The following SLC35B4 variants were observed in gnomAD, a reference collection of about 807,000 sequenced individuals.
The protein encoded by SLC35B4 is nucleotide sugar transporter SLC35B4.
In SLC35B4, 28 loss-of-function variants were observed where a neutral mutation model predicts 39.5. That is an observed-to-expected ratio of 0.71 (90% CI 0.53 to 0.97). The LOEUF (loss-of-function observed/expected upper bound fraction) is 0.97, where lower values mean the gene tolerates loss of function less well. Among genes scored for constraint, SLC35B4 ranks in the 50% least tolerant of loss-of-function variants. SLC35B4 has a pLI of 0.00. For synonymous variants in SLC35B4, 145 were observed against 150.4 expected (o/e 0.96, Z 0.26); for missense variants, 334 against 414.3 (o/e 0.81, Z 1.68).
chr7:134,304,964 G>C, intron 3 of SLC35B4, 110 bp from the exon 4 acceptor site: 741 of 720,972 alleles, frequency 1.0e-3, no homozygotes, highest in Non-Finnish European at 1.6e-3. Flanking sequence ...AATGAAGGAA[G>C]CTAGGATGAA....
chr7:134,318,911 TTG>T (rs1253075149), upstream of SLC35B4, among the ~76,000 whole-genome samples: 1 of 152,232 alleles, frequency 6.6e-6, no homozygotes, highest in African/African-American at 2.4e-5. Flanking sequence ...CTTGGGGATC[TTG>T]TTAAAATGCA....
chr7:134,304,490 G>T (rs1400210314), intron 4 of SLC35B4, among the ~76,000 whole-genome samples: 2 of 152,194 alleles, frequency 1.3e-5, no homozygotes, highest in African/African-American at 4.8e-5. Flanking sequence ...CACGTGGCTA[G>T]TGGTGACCAT....
intron 1 of SLC35B4, among the ~76,000 whole-genome samples, chr7:134,310,546 CTTT>C (rs1275292627): frequency 3.6e-5 from 5 of 140,804 alleles, no homozygotes; most frequent in Admixed American, 7.1e-5. Flanking sequence ...GTGTTTTCAT[CTTT>C]TTTTTTTTTT....
At position 134,294,930 on chromosome 7, in the gene SLC35B4, G is replaced by A. The variant is rs1036403174; in HGVS notation, c.899C>T (p.Thr300Ile). ...NPFTLWHWLG[T>I]LFVFIGTLMY... ...TAAGGTCCCAATGAAGACAAACAAG[G>A]TGCCCAGCCAGTGCCACAGGGTGAA... The change falls in exon 10 of 10, where the codon ACC becomes ATC. Residue 300 changes from threonine (T) to isoleucine (I), a missense_variant. Transcript: ENST00000378509. The A allele has an allele frequency of 1.9e-6, 3 of 1,614,154 alleles. No individual in the cohort carries two copies. Among genetic ancestry groups the A allele is most frequent in the Middle Eastern group, 1.6e-4 (1 of 6,062 alleles).
chr7:134,295,614 T>C (rs1166366800), intron 9 of SLC35B4, among the ~76,000 whole-genome samples: 1 of 151,322 alleles, frequency 6.6e-6, no homozygotes, highest in Non-Finnish European at 1.5e-5. Context: ...TGAGACAGGG[T>C]CTTGTTCTGT....
At position 134,316,925 on chromosome 7, in the gene SLC35B4, G is replaced by A. The variant is rs952806036; in HGVS notation, c.-174C>T. On this transcript the variant is annotated 5_prime_UTR_variant, in exon 1 of 10. Coordinates refer to ENST00000378509, the MANE Select transcript of SLC35B4 (RefSeq NM_032826.5). The stretch of plus-strand genomic sequence containing the variant: ...TTCTCCCGCGGCCAACACCGACGCT[G>A]CCAAGAAGCTGTAGTTCGCAGTCAG... 19 of 615,368 alleles carry A rather than the reference G, an allele frequency of 3.1e-5. No individual in the cohort carries two copies. The highest frequency in any genetic ancestry group is 4.8e-5 in the Non-Finnish European group (17 of 353,634). The allele number at this position is 615,368 out of a possible 1,614,324, so 38.1% of individuals were successfully genotyped here.
chr7:134,309,205 G>A (rs1040059813), intron 2 of SLC35B4, among the ~76,000 whole-genome samples, 161 bp downstream of exon 2: 4 of 151,966 alleles, frequency 2.6e-5, no homozygotes, highest in South Asian at 2.1e-4. Flanking sequence ...TAGGTACCCC[G>A]GATTTTCACA....
chr7:134,300,467 T>C (rs911314609), intron 6 of SLC35B4, among the ~76,000 whole-genome samples: 2 of 152,198 alleles, frequency 1.3e-5, no homozygotes, highest in African/African-American at 4.8e-5. Context: ...TTTATGTAAA[T>C]TTTTTTACAC....
intron 1 of SLC35B4, among the ~76,000 whole-genome samples, chr7:134,313,728 A>G (rs1803902850): frequency 6.6e-6 from 1 of 152,210 alleles, no homozygotes; most frequent in Non-Finnish European, 1.5e-5. Flanking sequence ...CTTGCTACTT[A>G]TTAGGGCACC....
intron 8 of SLC35B4, among the ~76,000 whole-genome samples, 183 bp from the exon 9 acceptor site, chr7:134,296,649 T>C (rs1803475554): frequency 6.6e-6 from 1 of 152,208 alleles, no homozygotes; most frequent in African/African-American, 2.4e-5. Context: ...ACTAAAGTCA[T>C]TAAATTGGTT....
rs1420323228 is a variant in SLC35B4 at position 134,294,491 on chromosome 7, C to A, written c.*342G>T. On this transcript the variant is annotated 3_prime_UTR_variant, in exon 10 of 10. Transcript: ENST00000378509. ...TGCATTACAACAGCAAGAGAAGGGA[C>A]AATCTTTTCCAAGACCATGGATAGT... 1.8e-5 allele frequency: 4 copies of A among 222,278 alleles called. No individual in the cohort carries two copies. Among genetic ancestry groups the A allele is most frequent in the East Asian group, 9.5e-5 (1 of 10,476 alleles). 13.8% of individuals were successfully genotyped at this position (222,278 alleles called of 1,614,324 possible).
intron 4 of SLC35B4, among the ~76,000 whole-genome samples, chr7:134,304,521 A>G (rs1585640080): frequency 6.6e-6 from 1 of 152,306 alleles, no homozygotes; most frequent in East Asian, 1.9e-4. Context: ...GAACCTCTCT[A>G]TCATCTTTGT....
upstream of SLC35B4, among the ~76,000 whole-genome samples, chr7:134,319,667 G>A (rs1478060936): frequency 6.6e-6 from 1 of 152,128 alleles, no homozygotes; most frequent in Non-Finnish European, 1.5e-5. Flanking sequence ...AGTGTCTTTG[G>A]AATGTTCACT....
rs757468450 is a variant in SLC35B4, at chr7:134,304,757, G to T, written c.344+48C>A. ...CCAGGTGACTAGCTTATGGACAGGG[G>T]CTCAGGGTATCATTTCCATACACAA... On this transcript the variant is annotated intron_variant, in intron 4 of 9. Transcript: ENST00000378509. 8 of 1,443,318 alleles carry T rather than the reference G, an allele frequency of 5.5e-6. No homozygotes were observed. The Middle Eastern group carries it at 7.0e-4, about 127-fold the overall frequency. 89.4% of individuals were successfully genotyped at this position (1,443,318 alleles called of 1,614,324 possible).
chr7:134,313,826 G>A (rs201421995), intron 1 of SLC35B4, among the ~76,000 whole-genome samples: 5 of 152,192 alleles, frequency 3.3e-5, no homozygotes, highest in Admixed American at 3.3e-4. Context: ...CCAAGATAAA[G>A]TCACAAATTC....
intron 1 of SLC35B4, among the ~76,000 whole-genome samples, chr7:134,313,016 T>A (rs1803881314): frequency 1.3e-5 from 2 of 152,272 alleles, no homozygotes; most frequent in African/African-American, 4.8e-5. Flanking sequence ...ACTTTTTGTT[T>A]CTATTTCTAT....
chr7:134,295,230 C>A, intron 9 of SLC35B4, 151 bp from the exon 10 acceptor site: 2 of 943,146 alleles, frequency 2.1e-6, no homozygotes, highest in Non-Finnish European at 3.1e-6. Context: ...CTGGGGAGAA[C>A]CTGCAGAACA....
intron 1 of SLC35B4, among the ~76,000 whole-genome samples, chr7:134,311,374 C>A (rs745480278): frequency 6.6e-6 from 1 of 152,054 alleles, no homozygotes; most frequent in Admixed American, 6.5e-5. Context: ...CCCAAATGGT[C>A]GGCACGGTGG....
chr7:134,301,711 G>T, intron 6 of SLC35B4, 50 bp downstream of exon 6: 2 of 1,540,536 alleles, frequency 1.3e-6, no homozygotes, highest in Non-Finnish European at 1.8e-6. Context: ...AGAAAACTCA[G>T]CAAACACAAC....
Sources: allele counts gnomAD v4.1 joint callset (sites outside exome capture counted in the v4.1 genomes callset), GRCh38; gene constraint gnomAD v4.1.1; transcripts MANE v1.5; gene names NCBI Gene and HGNC (gene_info 2026-07-23, HGNC 2026-07-21).